XKR9: variants seen among roughly 807,000 people sequenced by gnomAD.
XKR9 encodes XK related 9.
XKR9 carries 32 observed loss-of-function variants against 32.0 expected under a neutral mutation model. The observed-to-expected ratio is 1.00, with a 90% CI of 0.76 to 1.34. XKR9 has a LOEUF of 1.34. Ranked by LOEUF, XKR9 falls within the 40% of genes most tolerant of loss-of-function variation. XKR9 has a pLI of 0.00. For synonymous variants in XKR9, 168 were observed against 143.4 expected, an observed-to-expected ratio of 1.17 and a Z score of -1.22; for missense variants, 546 against 429.7, an observed-to-expected ratio of 1.27 and a Z score of -2.39.
the XKR9 span, among the ~76,000 whole-genome samples, chr8:71,059,320 T>C: frequency 6.6e-6 from 1 of 152,220 alleles, no homozygotes; most frequent in African/African-American, 2.4e-5. Flanking sequence ...CAAGGTGATT[T>C]CTTTTTACTG....
intron 3 of XKR9, among the ~76,000 whole-genome samples, chr8:70,696,210 G>A (rs1298781261): frequency 1.3e-5 from 2 of 152,064 alleles, no homozygotes; most frequent in Non-Finnish European, 2.9e-5. Flanking sequence ...GTCAATTCTG[G>A]CTTTCGTTGC....
the XKR9 span, among the ~76,000 whole-genome samples, chr8:70,955,540 A>T: frequency 1.3e-5 from 2 of 152,220 alleles, no homozygotes; most frequent in Non-Finnish European, 2.9e-5. Context: ...ACTCAGTAAT[A>T]TATAGGATAA....
the XKR9 span, among the ~76,000 whole-genome samples, chr8:71,034,326 T>A: frequency 6.6e-6 from 1 of 152,134 alleles, no homozygotes; most frequent in Non-Finnish European, 1.5e-5. Context: ...TTCTCTCTCC[T>A]ACCCCCATGT....
the XKR9 span, among the ~76,000 whole-genome samples, chr8:70,865,221 C>A: frequency 6.6e-6 from 1 of 150,828 alleles, no homozygotes; most frequent in Non-Finnish European, 1.5e-5. Context: ...TTTAGACTGG[C>A]AACAGAAAGA....
chr8:71,054,706 C>T, the XKR9 span, among the ~76,000 whole-genome samples: 1 of 152,032 alleles, frequency 6.6e-6, no homozygotes, highest in African/African-American at 2.4e-5. Flanking sequence ...GACATAAGTG[C>T]CCATATCCTT....
chr8:71,020,558 A>G, the XKR9 span, among the ~76,000 whole-genome samples: 9 of 152,320 alleles, frequency 5.9e-5, no homozygotes, highest in African/African-American at 2.2e-4. Context: ...ATAGAACACA[A>G]CATCATCATC....
chr8:70,922,422 TC>T, the XKR9 span, among the ~76,000 whole-genome samples: 1 of 152,184 alleles, frequency 6.6e-6, no homozygotes, highest in Non-Finnish European at 1.5e-5. Flanking sequence ...TGATTTCCAA[TC>T]CCCTTTTGGG....
At chr8:70,885,665 C>T in the XKR9 span, among the ~76,000 whole-genome samples, 4 of 151,966 alleles carry the variant, frequency 2.6e-5, no homozygotes, top group Non-Finnish European at 5.9e-5. Flanking sequence ...GGCGCGATCT[C>T]AGCTCACTGC....
chr8:70,830,043 A>C, the XKR9 span, among the ~76,000 whole-genome samples: 1 of 152,094 alleles, frequency 6.6e-6, no homozygotes, highest in Admixed American at 6.6e-5. Context: ...TAAGAATATT[A>C]ATCTTTGTCA....
At chr8:70,705,135 C>T (rs1437788340) in intron 3 of XKR9, among the ~76,000 whole-genome samples, 1 of 152,114 alleles carries the variant, frequency 6.6e-6, no homozygotes, top group African/African-American at 2.4e-5. Context: ...TTTCAGCTTT[C>T]CAAAGCCCTT....
chr8:70,816,131 C>A, the XKR9 span, among the ~76,000 whole-genome samples: 1 of 152,028 alleles, frequency 6.6e-6, no homozygotes, highest in African/African-American at 2.4e-5. Flanking sequence ...AAAAAACAAG[C>A]AAAAATAAAA....
At chr8:70,841,110 A>AT in the XKR9 span, among the ~76,000 whole-genome samples, 6 of 152,054 alleles carry the variant, frequency 3.9e-5, no homozygotes, top group African/African-American at 7.2e-5. Flanking sequence ...ATGACCTCAG[A>AT]TTTTTTTTAA....
At chr8:70,776,923 T>TTCCC (rs1554556845) in intron 2 of XKR9, among the ~76,000 whole-genome samples, 1 of 59,620 alleles carries the variant, frequency 1.7e-5, no homozygotes, top group Non-Finnish European at 3.2e-5. Context: ...TTCTCTTTCT[T>TTCCC]TCTCTCTCTC....
chr8:70,845,770 A>G, the XKR9 span, among the ~76,000 whole-genome samples: 1 of 152,142 alleles, frequency 6.6e-6, no homozygotes, highest in Non-Finnish European at 1.5e-5. Context: ...CAAAGAAAAA[A>G]TAATAAAAAA....
chr8:70,841,742 A>C, the XKR9 span, among the ~76,000 whole-genome samples: 986 of 152,318 alleles, frequency 6.5e-3, 11 homozygotes, highest in African/African-American at 0.022. Context: ...TTTGGCAAAA[A>C]TATCACATAA....
chr8:70,967,464 C>T, the XKR9 span, among the ~76,000 whole-genome samples: 1,264 of 152,212 alleles, frequency 8.3e-3, 20 homozygotes, highest in Non-Finnish European at 0.013. Flanking sequence ...TGTGTGGATA[C>T]GATCCTGTCA....
Position 70,763,043 on chromosome 8 carries a change from TA to T in XKR9, n.353-26290del, listed in dbSNP as rs1219319436. Among the ~76,000 whole-genome samples the T allele has an allele frequency of 9.2e-5, 14 of 152,154 alleles. 1 individual carries two copies. Among genetic ancestry groups the T allele is most frequent in the Admixed American group, 7.9e-4 (12 of 15,264 alleles). ...TGAATAATTTTGTGACTAGAGGATATAAAAAATGATTTAATTATATAGTAAT... is the reference window on the plus strand; with the variant it reads ...TGAATAATTTTGTGACTAGAGGATATAAAAATGATTTAATTATATAGTAAT... On this transcript the variant is annotated intron_variant and non_coding_transcript_variant, in intron 2 of 3. Coordinates refer to the XKR9 transcript ENST00000520273.
intron 2 of XKR9, among the ~76,000 whole-genome samples, chr8:70,773,597 C>A (rs956518480): frequency 6.6e-6 from 1 of 152,072 alleles, no homozygotes; most frequent in Non-Finnish European, 1.5e-5. Flanking sequence ...ATGGATCAGA[C>A]TTTGGGAAGG....
rs550666427 is a variant in XKR9 at position 70,787,149 on chromosome 8, T to C, written n.353-2190T>C. Among the ~76,000 whole-genome samples, 3 of 152,248 alleles carry C rather than the reference T, an allele frequency of 2.0e-5. No homozygotes were observed. In the South Asian group the frequency reaches 6.2e-4, roughly 32 times the overall value. On this transcript the variant is annotated intron_variant and non_coding_transcript_variant, in intron 2 of 3. Transcript: ENST00000520273. The stretch of plus-strand genomic sequence containing the variant: ...TATTGCACAGATATGATTAGCAAAA[T>C]TGTTCAATAACATCCTGTATCTCCA...
Sources: gnomAD v4.1 joint callset for allele counts (sites outside exome capture counted in the v4.1 genomes callset) on GRCh38, gnomAD v4.1.1 for gene constraint, MANE v1.5 for transcripts, NCBI Gene and HGNC (gene_info 2026-07-23, HGNC 2026-07-21) for gene names.